Variants in FGGY observed in about 807,000 individuals in gnomAD.
FGGY encodes the protein FGGY carbohydrate kinase domain-containing protein.
FGGY carries 72 observed loss-of-function variants against 71.3 expected under a neutral mutation model. The observed-to-expected ratio is 1.01, with a 90% CI of 0.84 to 1.23. The LOEUF is 1.23. Ranked by LOEUF, FGGY falls within the 50% of genes most tolerant of loss-of-function variation. The pLI is 0.00. For missense variants in FGGY, 668 were observed against 682.3 expected, an observed-to-expected ratio of 0.98 and a Z score of 0.23; for synonymous variants, 251 against 250.3, an observed-to-expected ratio of 1.00 and a Z score of -0.02.
At chr1:59,440,881 G>T (rs968206610) in intron 5 of FGGY, among the ~76,000 whole-genome samples, 13 of 151,646 alleles carry the variant, frequency 8.6e-5, no homozygotes, top group African/African-American at 3.2e-4. Flanking sequence ...GTGAATGGAA[G>T]TGTGACCCAT....
intron 8 of FGGY, among the ~76,000 whole-genome samples, chr1:59,580,001 T>G (rs1438580381): frequency 1.3e-5 from 2 of 152,176 alleles, no homozygotes. Context: ...ACAGGGCCTT[T>G]GTACTTGCTC....
chr1:59,416,090 G>A (rs1221383339), intron 5 of FGGY, among the ~76,000 whole-genome samples: 1 of 152,232 alleles, frequency 6.6e-6, no homozygotes, highest in African/African-American at 2.4e-5. Context: ...ATTAGTTACA[G>A]TGGAGAAGAG....
intron 7 of FGGY, among the ~76,000 whole-genome samples, chr1:59,535,341 A>G (rs1421257733): frequency 2.6e-5 from 4 of 152,160 alleles, no homozygotes; most frequent in Non-Finnish European, 5.9e-5. Context: ...GCAAGTCCTG[A>G]GTGACCTACA....
intron 9 of FGGY, among the ~76,000 whole-genome samples, chr1:59,613,983 C>A (rs553162365): frequency 1.3e-5 from 2 of 152,216 alleles, no homozygotes; most frequent in East Asian, 1.9e-4. Context: ...CAATAACAGG[C>A]TCTGAAATTG....
At chr1:59,302,827 G>A (rs112804268) in intron 1 of FGGY, among the ~76,000 whole-genome samples, 3 of 150,728 alleles carry the variant, frequency 2.0e-5, no homozygotes, top group African/African-American at 7.2e-5. Context: ...AAAAAATAAA[G>A]CCATTCACAA....
chr1:59,671,146 AAC>A (rs1266878499), intron 13 of FGGY, among the ~76,000 whole-genome samples: 2 of 152,304 alleles, frequency 1.3e-5, no homozygotes, highest in East Asian at 3.9e-4. Context: ...TTCTTTATAA[AAC>A]ACAGAAAAAG....
At position 59,712,772 on chromosome 1, in the gene FGGY, C is replaced by A. The variant is rs547315783; in HGVS notation, c.1512+38639C>A. Among the ~76,000 whole-genome samples, 153 of 152,302 alleles carry A rather than the reference C, an allele frequency of 1.0e-3. 1 individual carries two copies. The highest frequency in any genetic ancestry group is 1.3e-3 in the Non-Finnish European group (87 of 68,024). On this transcript the variant is annotated intron_variant, in intron 14 of 15. Coordinates refer to ENST00000303721, the MANE Select transcript of FGGY (RefSeq NM_018291.5). ...CCGGCCCACAACATCACTTTTTCCT[C>A]TTAGGCCTCCAGGCTTGTGATGGGA... is the stretch of plus-strand genomic sequence containing the variant.
intron 3 of FGGY, among the ~76,000 whole-genome samples, chr1:59,343,897 G>T (rs568860714): frequency 1.3e-5 from 2 of 152,084 alleles, no homozygotes; most frequent in East Asian, 3.8e-4. Flanking sequence ...TTACCTTAAA[G>T]TAGCTGTAGA....
intron 9 of FGGY, among the ~76,000 whole-genome samples, chr1:59,614,740 C>T (rs866786230): frequency 6.6e-6 from 1 of 152,090 alleles, no homozygotes; most frequent in Non-Finnish European, 1.5e-5. Flanking sequence ...GATTGTATAT[C>T]TAGAAAACCC....
At chr1:59,694,556 C>T (rs974982091) in intron 14 of FGGY, among the ~76,000 whole-genome samples, 1 of 152,036 alleles carries the variant, frequency 6.6e-6, no homozygotes, top group Non-Finnish European at 1.5e-5. Context: ...TTGGTAGAAA[C>T]CATGAGAAAT....
At chr1:59,615,434 G>T (rs927648054) in intron 9 of FGGY, among the ~76,000 whole-genome samples, 4 of 152,154 alleles carry the variant, frequency 2.6e-5, no homozygotes, top group Non-Finnish European at 5.9e-5. Context: ...GGGAAAACTG[G>T]CTAGCCATAT....
chr1:59,517,969 T>A (rs1399221076), intron 7 of FGGY, among the ~76,000 whole-genome samples: 1 of 152,226 alleles, frequency 6.6e-6, no homozygotes, highest in East Asian at 1.9e-4. Context: ...TGTCTCCTTT[T>A]TGCCCTCATC....
rs140072112 is a variant in FGGY at position 59,606,758 on chromosome 1, G to A, written c.904-1045G>A. 1.4e-4 allele frequency among the ~76,000 whole-genome samples: 22 copies of A among 152,238 alleles called. No individual in the cohort carries two copies. The East Asian group carries it at 3.9e-3, about 27-fold the overall frequency. On this transcript the variant is annotated intron_variant, in intron 8 of 15. Coordinates refer to ENST00000303721, the MANE Select transcript of FGGY (RefSeq NM_018291.5). Reference sequence around the variant, plus strand: ...CACTTGACTCTGGGCAGTTGGCCTTGGGGTATATATCTAAATGGCGGCCTC... The same window carrying A: ...CACTTGACTCTGGGCAGTTGGCCTTAGGGTATATATCTAAATGGCGGCCTC...
At position 59,667,240 on chromosome 1, in the gene FGGY, T is replaced by C. The variant is rs767263482; in HGVS notation, c.1297-43T>C. 3.1e-6 allele frequency: 5 copies of C among 1,612,726 alleles called. No homozygotes were observed. In the Admixed American group the frequency reaches 5.0e-5, roughly 16 times the overall value. ...TTAAGAAGTGTTCCCTAGTGTTTAC[T>C]TTTGTGACTATACTGATGCTATCTT... is the stretch of plus-strand genomic sequence containing the variant. On this transcript the variant is annotated intron_variant, in intron 12 of 15. Transcript: ENST00000303721.
At chr1:59,589,262 T>C (rs549275156) in intron 8 of FGGY, among the ~76,000 whole-genome samples, 1 of 152,230 alleles carries the variant, frequency 6.6e-6, no homozygotes, top group African/African-American at 2.4e-5. Flanking sequence ...ATGCACCCAA[T>C]ACAGGAGCAC....
chr1:59,419,099 C>T (rs2064986304), intron 5 of FGGY, among the ~76,000 whole-genome samples: 1 of 152,128 alleles, frequency 6.6e-6, no homozygotes, highest in Admixed American at 6.5e-5. Flanking sequence ...AAAGGGTCCG[C>T]AATGCATATC....
intron 3 of FGGY, among the ~76,000 whole-genome samples, chr1:59,345,311 G>T (rs955702396): frequency 6.6e-6 from 1 of 152,094 alleles, no homozygotes; most frequent in African/African-American, 2.4e-5. Flanking sequence ...ATAATCTCTC[G>T]GGTATATTAA....
chr1:59,424,524 C>A (rs922800216), intron 5 of FGGY, among the ~76,000 whole-genome samples: 1 of 151,752 alleles, frequency 6.6e-6, no homozygotes, highest in Non-Finnish European at 1.5e-5. Context: ...TCCAGCCTGG[C>A]GACAGAGTGA....
At chr1:59,566,749 C>G (rs1386599566) in intron 8 of FGGY, among the ~76,000 whole-genome samples, 1 of 152,110 alleles carries the variant, frequency 6.6e-6, no homozygotes, top group Non-Finnish European at 1.5e-5. Flanking sequence ...GTTATACTGA[C>G]AGTGATACTG....
Sources: gnomAD v4.1 joint callset for allele counts (sites outside exome capture counted in the v4.1 genomes callset) on GRCh38, gnomAD v4.1.1 for gene constraint, MANE v1.5 for transcripts, NCBI Gene and HGNC (gene_info 2026-07-23, HGNC 2026-07-21) for gene names.